The following OGDH variants were observed in gnomAD, a reference collection of about 807,000 sequenced individuals.
OGDH encodes the protein 2-oxoglutarate dehydrogenase complex component E1.
OGDH carries 38 observed loss-of-function variants against 116.6 expected under a neutral mutation model. The observed-to-expected ratio is 0.33, with a 90% confidence interval of 0.25 to 0.43. The LOEUF is 0.43. OGDH is among the 20% of genes least tolerant of loss of function. The pLI is 1.00. For missense variants in OGDH, 825 were observed against 1,357.2 expected, an observed-to-expected ratio of 0.61 and a Z score of 6.16; for synonymous variants, 488 against 533.3, an observed-to-expected ratio of 0.92 and a Z score of 1.17.
intron 1 of OGDH, among the ~76,000 whole-genome samples, chr7:44,620,690 A>G (rs1051633678): frequency 2.0e-5 from 3 of 152,016 alleles, no homozygotes; most frequent in African/African-American, 7.3e-5. Context: ...GGCCCAGGAC[A>G]GCTTTGAATG....
At chr7:44,668,293 G>A (rs1423349310) in intron 5 of OGDH, among the ~76,000 whole-genome samples, 6 of 152,072 alleles carry the variant, frequency 3.9e-5, no homozygotes, top group Admixed American at 1.3e-4. Flanking sequence ...AAAAATTAGC[G>A]GGGTGTGATG....
intron 4 of OGDH, among the ~76,000 whole-genome samples, chr7:44,648,610 G>A (rs888697966): frequency 2.6e-5 from 4 of 152,130 alleles, no homozygotes; most frequent in African/African-American, 9.7e-5. Flanking sequence ...GGATGGGTAC[G>A]AAATTAGCCT....
intron 4 of OGDH, among the ~76,000 whole-genome samples, chr7:44,665,119 A>G (rs553185754): frequency 6.6e-6 from 1 of 152,284 alleles, no homozygotes; most frequent in East Asian, 1.9e-4. Context: ...TTTTTCCTCC[A>G]TAAATACTAT....
At chr7:44,653,123 T>G (rs1224517470) in intron 4 of OGDH, among the ~76,000 whole-genome samples, 3 of 152,164 alleles carry the variant, frequency 2.0e-5, no homozygotes, top group Non-Finnish European at 4.4e-5. Flanking sequence ...AGACAGAGTC[T>G]TACTCTGTCG....
intron 2 of OGDH, among the ~76,000 whole-genome samples, chr7:44,637,021 T>A (rs1442631379): frequency 1.3e-5 from 2 of 152,126 alleles, no homozygotes; most frequent in Non-Finnish European, 2.9e-5. Context: ...GGTCAGGTGC[T>A]TGTTCCTCTT....
intron 3 of OGDH, among the ~76,000 whole-genome samples, chr7:44,645,832 A>G (rs565528390): frequency 6.6e-6 from 1 of 152,156 alleles, no homozygotes; most frequent in Non-Finnish European, 1.5e-5. Context: ...ATCAAGGAGA[A>G]GTGCTGCCCA....
chr7:44,683,380 C>T (rs1459623194), intron 10 of OGDH, among the ~76,000 whole-genome samples: 1 of 152,014 alleles, frequency 6.6e-6, no homozygotes, highest in Non-Finnish European at 1.5e-5. Context: ...AGACGTGCAC[C>T]ACCACTCCTG....
intron 9 of OGDH, among the ~76,000 whole-genome samples, chr7:44,680,420 G>A (rs764562779): frequency 1.1e-4 from 16 of 152,050 alleles, no homozygotes; most frequent in Non-Finnish European, 2.2e-4. Flanking sequence ...CATATCAAAG[G>A]CAGTGAGGAT....
At chr7:44,685,230 A>G (rs1456057909) in intron 10 of OGDH, among the ~76,000 whole-genome samples, 3 of 152,184 alleles carry the variant, frequency 2.0e-5, no homozygotes, top group African/African-American at 7.2e-5. Flanking sequence ...TTTCGTCTCC[A>G]ACAGAAATTC....
At chr7:44,660,363 C>T (rs542445230) in intron 4 of OGDH, among the ~76,000 whole-genome samples, 3 of 152,170 alleles carry the variant, frequency 2.0e-5, no homozygotes, top group Admixed American at 6.5e-5. Flanking sequence ...TCTTTGTATA[C>T]CCCTTGATAT....
intron 2 of OGDH, among the ~76,000 whole-genome samples, chr7:44,630,343 G>A (rs1297967489): frequency 1.3e-5 from 2 of 152,160 alleles, no homozygotes; most frequent in East Asian, 3.8e-4. Flanking sequence ...AAGTCTGATG[G>A]AAGTCTGATG....
At chr7:44,696,286 C>G (rs1056485672) in intron 13 of OGDH, 143 bp from the exon 14 acceptor site, 40 of 1,132,320 alleles carry the variant, frequency 3.5e-5, no homozygotes, top group Admixed American at 2.2e-5. Flanking sequence ...GGACCCAGAC[C>G]CCTGCATTAA....
At chr7:44,644,064 G>A (rs1430863316) in intron 2 of OGDH, among the ~76,000 whole-genome samples, 1 of 152,138 alleles carries the variant, frequency 6.6e-6, no homozygotes, top group African/African-American at 2.4e-5. Context: ...AAAATTATAA[G>A]CCTGGTGGCG....
intron 1 of OGDH, among the ~76,000 whole-genome samples, chr7:44,612,728 A>C (rs1784612681): frequency 6.7e-6 from 1 of 149,756 alleles, no homozygotes; most frequent in African/African-American, 2.4e-5. Context: ...GCAGGGTCTT[A>C]CTCTGTCACC....
At chr7:44,610,503 C>T (rs941573764) in intron 1 of OGDH, among the ~76,000 whole-genome samples, 69 of 151,870 alleles carry the variant, frequency 4.5e-4, no homozygotes, top group African/African-American at 1.4e-3. Flanking sequence ...GGGGTTTCAC[C>T]GTGTTGGTCA....
rs139183483 is a variant in OGDH at position 44,646,001 on chromosome 7, C to T, written c.414+483C>T. 1.1e-3 allele frequency among the ~76,000 whole-genome samples: 173 copies of T among 152,286 alleles called. 2 individuals carry two copies. Among genetic ancestry groups the T allele is most frequent in the African/African-American group, 4.1e-3 (169 of 41,536 alleles). On this transcript the variant is annotated intron_variant, in intron 3 of 22. Coordinates refer to ENST00000222673, the MANE Select transcript of OGDH (RefSeq NM_002541.4). ...GCAGCTGAGGGTACAGCTGAGCCTA[C>T]AGAGAGTGATGAGGGGCAGGGGAAC...
chr7:44,658,676 T>C (rs1391546169), intron 4 of OGDH, among the ~76,000 whole-genome samples: 2 of 152,146 alleles, frequency 1.3e-5, no homozygotes, highest in East Asian at 3.8e-4. Flanking sequence ...GAGTCTTTCA[T>C]CATTAAGTAT....
rs191595900 is a variant in OGDH, at chr7:44,660,789, A to G, written c.518-5947A>G. Among the ~76,000 whole-genome samples, 12 of 152,278 alleles carry G rather than the reference A, an allele frequency of 7.9e-5. No individual in the cohort carries two copies. In the East Asian group the frequency reaches 2.1e-3, roughly 27 times the overall value. Reference sequence around the variant, plus strand: ...CCACCAACAACAAAATTAGCCAAGCATGATCGCGCGTGCCTGTAGTCCTAG... The same window carrying G: ...CCACCAACAACAAAATTAGCCAAGCGTGATCGCGCGTGCCTGTAGTCCTAG... On this transcript the variant is annotated intron_variant, in intron 4 of 22. Coordinates refer to ENST00000222673, the MANE Select transcript of OGDH (RefSeq NM_002541.4).
At chr7:44,616,864 T>C (rs1190566992) in intron 1 of OGDH, among the ~76,000 whole-genome samples, 2 of 83,912 alleles carry the variant, frequency 2.4e-5, no homozygotes, top group Non-Finnish European at 4.8e-5. Flanking sequence ...TATACACATA[T>C]ATATATACGT....
Sources: gnomAD v4.1 joint callset for allele counts (sites outside exome capture counted in the v4.1 genomes callset) on GRCh38, gnomAD v4.1.1 for gene constraint, MANE v1.5 for transcripts, NCBI Gene and HGNC (gene_info 2026-07-23, HGNC 2026-07-21) for gene names.